NOL8: variants seen among roughly 807,000 people sequenced by gnomAD.
NOL8 encodes nucleolar protein Nop132.
A neutral mutation model predicts 116.1 loss-of-function variants in NOL8; 93 were observed. The ratio of observed to expected loss-of-function variants is 0.80; its 90% CI spans 0.68 to 0.95. The LOEUF is 0.95. Ranked by LOEUF, NOL8 falls within the 40% of genes least tolerant of loss-of-function variation. NOL8 has a pLI of 0.00. For synonymous variants in NOL8, 419 were observed against 469.0 expected, an observed-to-expected ratio of 0.89 and a Z score of 1.38; for missense variants, 1,291 against 1,382.8, an observed-to-expected ratio of 0.93 and a Z score of 1.05.
At chr9:92,309,558 T>C (rs1838577640) in intron 10 of NOL8, among the ~76,000 whole-genome samples, 1 of 152,084 alleles carries the variant, frequency 6.6e-6, no homozygotes, top group African/African-American at 2.4e-5. Context: ...AGGGAGCTCA[T>C]TCAAGCCAGC....
chr9:92,298,953 C>G lies in NOL8; in HGVS notation c.3304G>C (p.Glu1102Gln). 6.6e-7 allele frequency: 1 copy of G among 1,512,316 alleles called. No homozygotes were observed. The highest frequency in any genetic ancestry group is 8.9e-7 in the Non-Finnish European group (1 of 1,122,914). 93.7% of individuals were successfully genotyped at this position (1,512,316 alleles called of 1,614,324 possible). ...GTCTCTTTCTCAAGTAATGATGCTT[C>G]TCTGAAAAGAAAGGGACAAAGGAGA... ...ETDHRNSSPGEASLLEKETTR... is the reference protein window; with the variant it reads ...ETDHRNSSPGQASLLEKETTR... Residue 1102 changes from glutamate to glutamine, a missense_variant and splice_region_variant, in exon 15 of 17, where the codon GAA (glutamate) becomes CAA (glutamine). Glu to Gln is a conservative substitution (Grantham distance 29, BLOSUM62 2). Coordinates refer to ENST00000442668, the MANE Select transcript of NOL8 (RefSeq NM_017948.6).
At position 92,301,651 on chromosome 9, in the gene NOL8, A is replaced by T. The variant is rs755429410; in HGVS notation, c.3075T>A (p.Pro1025=). 6.2e-7 allele frequency: 1 copy of T among 1,601,640 alleles called. No homozygotes were observed. Among genetic ancestry groups the T allele is most frequent in the East Asian group, 2.2e-5 (1 of 44,714 alleles). The change falls in exon 13 of 17, where the codon CCT becomes CCA. Residue 1025 remains proline, a synonymous_variant. Coordinates refer to ENST00000442668, the MANE Select transcript of NOL8 (RefSeq NM_017948.6). ...GAGCTGCAGGGTCCTGGATTTCCTCAGGTTTCTCTTTACCACAGTCCTCAT... is the reference window on the plus strand; with the variant it reads ...GAGCTGCAGGGTCCTGGATTTCCTCTGGTTTCTCTTTACCACAGTCCTCAT... ...PWNEDCGKEK[P]EEIQDPAALT... is the part of the protein sequence containing the mutation.
In NOL8 at chr9:92,314,793, A is replaced by G. The variant is rs1839212325; in HGVS notation, c.1832T>C (p.Ile611Thr). Residue 611 changes from isoleucine to threonine, a missense_variant, in exon 7 of 17, where the codon ATA (isoleucine) becomes ACA (threonine). Transcript: ENST00000442668. Reference protein sequence around the residue: ...NSMKHEDPSIISMEDGSPYVN... With the variant: ...NSMKHEDPSITSMEDGSPYVN... ...ATATGGGGACCCATCTTCCATGGAT[A>G]TGATACTGGGATCCTCATGTTTCAT... The G allele has an allele frequency of 6.2e-7, 1 of 1,613,736 alleles. No individual in the cohort carries two copies. Among genetic ancestry groups the G allele is most frequent in the Non-Finnish European group, 8.5e-7 (1 of 1,179,814 alleles).
chr9:92,314,156 A>G (rs1229528000), intron 7 of NOL8, 111 bp downstream of exon 7: 3 of 1,360,698 alleles, frequency 2.2e-6, no homozygotes, highest in East Asian at 4.9e-5. Flanking sequence ...AAAACATGAA[A>G]CTGGTGAACA....
At position 92,320,135 on chromosome 9, in the gene NOL8, C is replaced by T. The variant is rs764152492; in HGVS notation, c.282-779G>A. On this transcript the variant is annotated intron_variant, in intron 4 of 16. Transcript: ENST00000442668. ...TTGTTAGGTCTTGATTATCCATATC[C>T]TCCTAATGAAGAGAATGCCACCTCT... 217 of 455,958 alleles carry T rather than the reference C, an allele frequency of 4.8e-4. 1 individual carries two copies. The highest frequency in any genetic ancestry group is 1.0e-4 in the Non-Finnish European group (23 of 226,814). 28.2% of individuals were successfully genotyped at this position (455,958 alleles called of 1,614,324 possible).
At chr9:92,318,591 TA>T in intron 6 of NOL8, 26 bp downstream of exon 6, 1 of 1,489,328 alleles carries the variant, frequency 6.7e-7, no homozygotes, top group Non-Finnish European at 9.3e-7. Flanking sequence ...CTGTGGTAAA[TA>T]ATTATGTTGA....
intron 8 of NOL8, 95 bp downstream of exon 8, chr9:92,311,051 C>A: frequency 1.0e-6 from 1 of 962,448 alleles, no homozygotes; most frequent in Non-Finnish European, 1.6e-6. Context: ...CTCATTGGGG[C>A]TCTCAGGAGG....
intron 10 of NOL8, 120 bp from the exon 11 acceptor site, chr9:92,307,144 C>T: frequency 9.6e-7 from 1 of 1,042,304 alleles, no homozygotes; most frequent in Non-Finnish European, 1.4e-6. Flanking sequence ...GAAGAAGAAA[C>T]TTTAACCTCA....
At chr9:92,310,722 T>C in intron 8 of NOL8, 47 bp from the exon 9 acceptor site, 1 of 1,555,486 alleles carries the variant, frequency 6.4e-7, no homozygotes, top group Non-Finnish European at 8.7e-7. Flanking sequence ...AAACAAGCAG[T>C]ATTTCCCTTC....
chr9:92,300,443 C>T (rs1837638343), intron 13 of NOL8: 4 of 987,994 alleles, frequency 4.0e-6, no homozygotes, highest in Middle Eastern at 5.2e-4. Flanking sequence ...ATTTTCAATA[C>T]CCAAAACTTT....
At chr9:92,318,957 C>T (rs1839674905) in intron 5 of NOL8, 2 of 514,652 alleles carry the variant, frequency 3.9e-6, no homozygotes, top group East Asian at 6.7e-5. Context: ...AAACTTGGGA[C>T]CTGCCTGTAT....
At chr9:92,311,392 A>C in intron 7 of NOL8, 133 bp from the exon 8 acceptor site, 1 of 594,556 alleles carries the variant, frequency 1.7e-6, no homozygotes, top group Non-Finnish European at 2.9e-6. Flanking sequence ...CAAAAGAAAA[A>C]CTTATCAACA....
Position 92,323,950 on chromosome 9 carries a change from G to A in NOL8, c.139+73C>T, listed in dbSNP as rs191561990. 254 of 1,496,502 alleles carry A rather than the reference G, an allele frequency of 1.7e-4. No homozygotes were observed. The African/African-American group carries it at 3.3e-3, about 19-fold the overall frequency. 92.7% of individuals were successfully genotyped at this position (1,496,502 alleles called of 1,614,324 possible). A position where few individuals can be genotyped will look rare whatever the true frequency, so the allele number is the denominator to read the frequency against. ...TGTTCAGAGCTAACATTTATCTTGG[G>A]GTTGTTTTATTTTCTAGCACTTAAC... On this transcript the variant is annotated intron_variant, in intron 2 of 16. Transcript: ENST00000442668.
chr9:92,318,688 TA>T lies in NOL8; in HGVS notation c.418-3del, dbSNP rs750947185. The T allele has an allele frequency of 1.3e-6, 2 of 1,565,712 alleles. No homozygotes were observed. Among genetic ancestry groups the T allele is most frequent in the South Asian group, 1.2e-5 (1 of 83,212 alleles). On this transcript the variant is annotated splice_polypyrimidine_tract_variant and splice_region_variant and intron_variant, in intron 5 of 16. Transcript: ENST00000442668. The stretch of plus-strand genomic sequence containing the variant: ...TCCAAATTTGCTCACAACCCAATTC[TA>T]AAAGAAAAAAAAAGAATTTATTTAC...
rs1256755970 is a variant in NOL8, at chr9:92,298,310, C to G, written c.3400G>C (p.Gly1134Arg). The G allele has an allele frequency of 1.9e-6, 3 of 1,608,376 alleles. No individual in the cohort carries two copies. In the East Asian group the frequency reaches 6.7e-5, roughly 36 times the overall value. ...QGSDLFWRGV[G>R]SNMSRNSWEA... ...CAAGAGTTCCTGCTCATATTACTTCCTACTCCTCTCCAGAATAAGTCAGAA... is the reference window on the plus strand; with the variant it reads ...CAAGAGTTCCTGCTCATATTACTTCGTACTCCTCTCCAGAATAAGTCAGAA... Residue 1134 changes from glycine (G) to arginine (R), a missense_variant, in exon 16 of 17, where the codon GGA (glycine) becomes CGA (arginine). Physicochemically the swap from Gly to Arg is moderately radical, Grantham distance 125. Coordinates refer to ENST00000442668, the MANE Select transcript of NOL8 (RefSeq NM_017948.6).
At position 92,300,009 on chromosome 9, in the gene NOL8, G is replaced by A; in HGVS notation, c.3183C>T (p.Tyr1061=). 1 of 1,613,116 alleles carries A rather than the reference G, an allele frequency of 6.2e-7. No individual in the cohort carries two copies. Residue 1061 remains tyrosine (Y), a synonymous_variant, in exon 14 of 17, where the codon TAC becomes TAT. Coordinates refer to ENST00000442668, the MANE Select transcript of NOL8 (RefSeq NM_017948.6). ...SDTKDIKEET[Y]RVETVKPGKI... is the part of the protein sequence containing the mutation. ...TTCCAGGTTTCACTGTTTCAACTCT[G>A]TAGGTCTCTATATCGTTATGACAAC...
intron 1 of NOL8, 47 bp from the exon 2 acceptor site, chr9:92,324,256 C>T: frequency 7.6e-7 from 1 of 1,315,042 alleles, no homozygotes; most frequent in African/African-American, 1.5e-5. Flanking sequence ...TAAAATCTAA[C>T]AAAACAACTA....
In NOL8 at chr9:92,324,126, C is replaced by T. The variant is rs752239824; in HGVS notation, c.36G>A (p.Val12=). ...KVNRETKRLY[V]GGLSQDISEA... ...CAGAAATGTCCTGGCTAAGGCCACCCACATAAAGGCGCTTCGTTTCTCTGT... is the reference window on the plus strand; with the variant it reads ...CAGAAATGTCCTGGCTAAGGCCACCTACATAAAGGCGCTTCGTTTCTCTGT... Residue 12 remains valine (V), a synonymous_variant, in exon 2 of 17, where the codon GTG becomes GTA. Coordinates refer to ENST00000442668, the MANE Select transcript of NOL8 (RefSeq NM_017948.6). The T allele has an allele frequency of 1.9e-6, 3 of 1,613,838 alleles. No homozygotes were observed. Among genetic ancestry groups the T allele is most frequent in the African/African-American group, 2.7e-5 (2 of 74,930 alleles).
chr9:92,316,100 C>A lies in NOL8; in HGVS notation c.525G>T (p.Leu175=). The change falls in exon 7 of 17, where the codon CTG becomes CTT. Residue 175 remains leucine, a synonymous_variant. Transcript: ENST00000442668. ...KYDPSKYCHN[L]KKIGEDFSNT... ...TTGAGAAATCCTCCCCTATCTTCTT[C>A]AGGTTGTGGCAGTATTTTGAGGGAT... 1 of 1,613,946 alleles carries A rather than the reference C, an allele frequency of 6.2e-7. No homozygotes were observed. Among genetic ancestry groups the A allele is most frequent in the South Asian group, 1.1e-5 (1 of 91,074 alleles).
Sources: gnomAD v4.1 joint callset for allele counts (sites outside exome capture counted in the v4.1 genomes callset) on GRCh38, gnomAD v4.1.1 for gene constraint, MANE v1.5 for transcripts, NCBI Gene and HGNC (gene_info 2026-07-23, HGNC 2026-07-21) for gene names.